Variants in KIRREL3 observed in about 807,000 individuals in gnomAD.
KIRREL3 encodes the protein kirre like nephrin family adhesion molecule 3, also known as kin of IRRE-like protein 3.
Under a neutral mutation model 89.7 loss-of-function variants are expected in KIRREL3, and 36 were observed. The ratio of observed to expected loss-of-function variants is 0.40; its 90% CI spans 0.31 to 0.53. The LOEUF is 0.53. Ranked by LOEUF, KIRREL3 falls within the 20% of genes least tolerant of loss-of-function variation. The pLI is 0.49. For synonymous variants in KIRREL3, 445 were observed against 441.4 expected, an observed-to-expected ratio of 1.01 and a Z score of -0.10; for missense variants, 864 against 1,056.6, an observed-to-expected ratio of 0.82 and a Z score of 2.53.
At chr11:126,856,445 A>G (rs981220269) in intron 1 of KIRREL3, among the ~76,000 whole-genome samples, 3 of 152,050 alleles carry the variant, frequency 2.0e-5, no homozygotes, top group Admixed American at 2.0e-4. Context: ...CTTGCTCATG[A>G]TAGAATAATC....
chr11:126,542,486 G>A (rs889236884), intron 2 of KIRREL3, among the ~76,000 whole-genome samples: 3 of 152,104 alleles, frequency 2.0e-5, no homozygotes, highest in Admixed American at 2.0e-4. Context: ...ATTTGAATAT[G>A]GATATGTTTG....
intron 1 of KIRREL3, among the ~76,000 whole-genome samples, chr11:126,597,700 G>A (rs1478049743): frequency 6.6e-6 from 1 of 152,182 alleles, no homozygotes; most frequent in Admixed American, 6.5e-5. Context: ...TGCTGTGCCA[G>A]TGAAAAACAG....
rs1420010791 is a variant in KIRREL3 at position 126,459,421 on chromosome 11, G to T, written c.743-2967C>A. ...CTTTGGTGATCACCTGCCCCGAAGC[G>T]ATTCACAAGGGTTCCACACTCACTG... is the stretch of plus-strand genomic sequence containing the variant. On this transcript the variant is annotated intron_variant, in intron 6 of 16. Transcript: ENST00000525144. The surrounding 1 kb of genome is among the most constrained non-coding windows in gnomAD (Gnocchi z 4.8). 6.6e-6 allele frequency among the ~76,000 whole-genome samples: 1 copy of T among 152,064 alleles called. No homozygotes were observed. The highest frequency in any genetic ancestry group is 2.4e-5 in the African/African-American group (1 of 41,392).
chr11:126,569,628 C>T lies in KIRREL3; in HGVS notation c.56-6716G>A, dbSNP rs1050228774. On this transcript the variant is annotated intron_variant, in intron 1 of 16. Coordinates refer to ENST00000525144, the MANE Select transcript of KIRREL3 (RefSeq NM_032531.4). This position sits in a 1 kb window ranked among gnomAD's most constrained non-coding sequence, Gnocchi z 6.5. ...TAAAAGTCAGAGACAGGTAATAGTT[C>T]GGTAAAGAAAGTCTTGAGGCAGCAC... 7.2e-5 allele frequency among the ~76,000 whole-genome samples: 11 copies of T among 152,246 alleles called. No homozygotes were observed. Among genetic ancestry groups the T allele is most frequent in the South Asian group, 6.2e-4 (3 of 4,814 alleles).
rs1958510923 is a variant in KIRREL3, at chr11:126,519,120, C to G, written c.433+2195G>C. 6.6e-6 allele frequency among the ~76,000 whole-genome samples: 1 copy of G among 152,206 alleles called. No homozygotes were observed. Among genetic ancestry groups the G allele is most frequent in the African/African-American group, 2.4e-5 (1 of 41,450 alleles). ...CTCCAGACTTGAATAAAACATCTCC[C>G]CCATACAAACCCAGCTCTGTGCCCA... is the stretch of plus-strand genomic sequence containing the variant. On this transcript the variant is annotated intron_variant, in intron 4 of 16. Coordinates refer to ENST00000525144, the MANE Select transcript of KIRREL3 (RefSeq NM_032531.4). The surrounding 1 kb of genome is among the most constrained non-coding windows in gnomAD (Gnocchi z 4.3).
chr11:126,868,707 C>G (rs1355852163), intron 1 of KIRREL3, among the ~76,000 whole-genome samples: 2 of 152,136 alleles, frequency 1.3e-5, no homozygotes, highest in African/African-American at 4.8e-5. Context: ...TTCTTATCCT[C>G]TCAGCAGCAT....
chr11:126,950,331 C>A (rs183721969), intron 1 of KIRREL3, among the ~76,000 whole-genome samples: 82 of 152,194 alleles, frequency 5.4e-4, no homozygotes, highest in Non-Finnish European at 9.7e-4. Context: ...TGTGCCACTG[C>A]ACTCCAGCCT....
At chr11:126,680,351 C>T (rs1163268982) in intron 1 of KIRREL3, among the ~76,000 whole-genome samples, 1 of 152,054 alleles carries the variant, frequency 6.6e-6, no homozygotes, top group Non-Finnish European at 1.5e-5. Context: ...GGACCGCGTA[C>T]TGATCCATAC....
rs1946512978 is a variant in KIRREL3 at position 126,682,707 on chromosome 11, C to T, written c.56-119795G>A. On this transcript the variant is annotated intron_variant, in intron 1 of 16. Transcript: ENST00000525144. The surrounding 1 kb of genome is among the most constrained non-coding windows in gnomAD (Gnocchi z 4.8). ...GACACAGCACACAGCCTAGATCCATCACATGCGCAGTTCACAACAGGGCTG... is the reference window on the plus strand; with the variant it reads ...GACACAGCACACAGCCTAGATCCATTACATGCGCAGTTCACAACAGGGCTG... 6.6e-6 allele frequency among the ~76,000 whole-genome samples: 1 copy of T among 152,064 alleles called. No homozygotes were observed. The highest frequency in any genetic ancestry group is 1.9e-4 in the East Asian group (1 of 5,164).
At position 126,666,609 on chromosome 11, in the gene KIRREL3, T is replaced by G. The variant is rs773744012; in HGVS notation, c.56-103697A>C. 6.6e-6 allele frequency among the ~76,000 whole-genome samples: 1 copy of G among 152,224 alleles called. No individual in the cohort carries two copies. The highest frequency in any genetic ancestry group is 1.5e-5 in the Non-Finnish European group (1 of 68,048). On this transcript the variant is annotated intron_variant, in intron 1 of 16. Coordinates refer to ENST00000525144, the MANE Select transcript of KIRREL3 (RefSeq NM_032531.4). The surrounding 1 kb of genome is among the most constrained non-coding windows in gnomAD (Gnocchi z 4.2). ...GCACAAGGAAAACAATATCAATGAT[T>G]TGTGCTGCCTGCTTGTCGAGTCTGT...
chr11:126,738,928 T>C (rs1281151238), intron 1 of KIRREL3, among the ~76,000 whole-genome samples: 2 of 152,212 alleles, frequency 1.3e-5, no homozygotes, highest in Non-Finnish European at 2.9e-5. Context: ...AAACAAAGCA[T>C]CTTCGGTGAT....
chr11:126,757,301 T>TA (rs11350914), intron 1 of KIRREL3, among the ~76,000 whole-genome samples: 479 of 129,910 alleles, frequency 3.7e-3, no homozygotes, highest in Non-Finnish European at 5.0e-3. Flanking sequence ...AAAAAGAAAA[T>TA]AAAAAAAAAA....
chr11:126,944,341 G>C (rs1426572307), intron 1 of KIRREL3: 1 of 152,214 alleles, frequency 6.6e-6, no homozygotes, highest in African/African-American at 2.4e-5. Context: ...AGGAGCCTCT[G>C]CCATGAACCC....
In KIRREL3 at chr11:126,772,027, C is replaced by A. The variant is rs747202458; in HGVS notation, c.56-209115G>T. On this transcript the variant is annotated intron_variant, in intron 1 of 16. Coordinates refer to ENST00000525144, the MANE Select transcript of KIRREL3 (RefSeq NM_032531.4). The surrounding 1 kb of genome is among the most constrained non-coding windows in gnomAD (Gnocchi z 4.6). ...TGAGGTAGAGGAGAGGAGGCACTGT[C>A]GGGAAACCATGACCTTTCCACCTGT... is the stretch of plus-strand genomic sequence containing the variant. 2.2e-4 allele frequency among the ~76,000 whole-genome samples: 33 copies of A among 152,318 alleles called. No individual in the cohort carries two copies. Among genetic ancestry groups the A allele is most frequent in the Non-Finnish European group, 3.2e-4 (22 of 68,034 alleles).
Position 126,527,794 on chromosome 11 carries a change from T to G in KIRREL3, c.134-1107A>C, listed in dbSNP as rs620082. On this transcript the variant is annotated intron_variant, in intron 2 of 16. Coordinates refer to ENST00000525144, the MANE Select transcript of KIRREL3 (RefSeq NM_032531.4). The surrounding 1 kb of genome is among the most constrained non-coding windows in gnomAD (Gnocchi z 4.2). Reference sequence around the variant, plus strand: ...CGGTGAATCCAAGTCTTTCTGGCTCTGAAGACCATGCTCTCCCCTACTGAG... The same window carrying G: ...CGGTGAATCCAAGTCTTTCTGGCTCGGAAGACCATGCTCTCCCCTACTGAG... 1.3e-5 allele frequency among the ~76,000 whole-genome samples: 2 copies of G among 151,998 alleles called. No individual in the cohort carries two copies. The highest frequency in any genetic ancestry group is 2.9e-5 in the Non-Finnish European group (2 of 68,000).
At chr11:126,846,201 T>A (rs1944135799) in intron 1 of KIRREL3, among the ~76,000 whole-genome samples, 1 of 152,142 alleles carries the variant, frequency 6.6e-6, no homozygotes, top group African/African-American at 2.4e-5. Flanking sequence ...TAAAAATGGG[T>A]ACCTTAATTT....
At position 126,555,744 on chromosome 11, in the gene KIRREL3, A is replaced by ATTT. The variant is rs57844137; in HGVS notation, c.133+7088_133+7090dup. 1.4e-5 allele frequency among the ~76,000 whole-genome samples: 2 copies of ATTT among 145,564 alleles called. No individual in the cohort carries two copies. Among genetic ancestry groups the ATTT allele is most frequent in the African/African-American group, 2.5e-5 (1 of 39,536 alleles). On this transcript the variant is annotated intron_variant, in intron 2 of 16. Coordinates refer to ENST00000525144, the MANE Select transcript of KIRREL3 (RefSeq NM_032531.4). This position sits in a 1 kb window ranked among gnomAD's most constrained non-coding sequence, Gnocchi z 4.2. ...TGTAGAACATGCTAACAATGTGAGC[A>ATTT]TTTTTTTTTTTTTTGAGACGGAGTC...
intron 1 of KIRREL3, among the ~76,000 whole-genome samples, chr11:126,836,272 A>G (rs1260223186): frequency 6.6e-6 from 1 of 152,188 alleles, no homozygotes; most frequent in Non-Finnish European, 1.5e-5. Context: ...TGAGAGACCT[A>G]TTCATTCTGA....
intron 1 of KIRREL3, among the ~76,000 whole-genome samples, chr11:126,785,058 A>G (rs544690944): frequency 2.6e-5 from 4 of 152,268 alleles, no homozygotes; most frequent in African/African-American, 9.6e-5. Context: ...AGTGTCCTCA[A>G]ATCACATTTT....
Sources: gnomAD v4.1 joint callset for allele counts (sites outside exome capture counted in the v4.1 genomes callset) on GRCh38, gnomAD v4.1.1 for gene constraint, Gnocchi (gnomAD v3.1) non-coding constraint, MANE v1.5 for transcripts, NCBI Gene and HGNC (gene_info 2026-07-23, HGNC 2026-07-21) for gene names.